Variants in TBC1D1 observed in about 807,000 individuals in gnomAD.
TBC1D1 encodes TBC1 domain family member 1.
TBC1D1 carries 89 observed loss-of-function variants against 125.6 expected under a neutral mutation model. The observed-to-expected ratio is 0.71, with a 90% CI of 0.60 to 0.85. TBC1D1 has a LOEUF of 0.85. Ranked by LOEUF, TBC1D1 falls within the 40% of genes least tolerant of loss-of-function variation. TBC1D1 has a pLI of 0.00. For missense variants in TBC1D1, 1,377 were observed against 1,469.2 expected (o/e 0.94, Z 1.03); for synonymous variants, 565 against 564.1 (o/e 1.00, Z -0.02).
In TBC1D1 at chr4:38,049,776, CCT is replaced by C; in HGVS notation, c.1789_1790del (p.Leu597GlufsTer38). The C allele has an allele frequency of 6.2e-7, 1 of 1,614,160 alleles. No homozygotes were observed. On this transcript the variant is annotated frameshift_variant, in exon 11 of 20. Coordinates refer to ENST00000261439, the MANE Select transcript of TBC1D1 (RefSeq NM_015173.4). LOFTEE classifies it high-confidence loss of function. ...AGGCCTTCAGGAGGCGAGCAAACAC[CCT>C]GAGTCACTTCCCCATCGAATGCCAG... is the stretch of plus-strand genomic sequence containing the variant.
chr4:38,082,788 C>G (rs910358089), intron 12 of TBC1D1, among the ~76,000 whole-genome samples: 1 of 152,214 alleles, frequency 6.6e-6, no homozygotes, highest in Admixed American at 6.5e-5. Context: ...CCCTGGACTT[C>G]CCACTGCCGT....
chr4:37,908,973 G>T (rs538191665), intron 2 of TBC1D1, among the ~76,000 whole-genome samples: 22 of 152,270 alleles, frequency 1.4e-4, no homozygotes, highest in South Asian at 1.0e-3. Context: ...ATGATTCTTG[G>T]CAATGAAGCT....
At chr4:38,059,704 A>G (rs1327252548) in intron 12 of TBC1D1, among the ~76,000 whole-genome samples, 1 of 152,120 alleles carries the variant, frequency 6.6e-6, no homozygotes, top group Non-Finnish European at 1.5e-5. Context: ...TGTGTTTAAG[A>G]TTTGGATTTA....
intron 2 of TBC1D1, among the ~76,000 whole-genome samples, chr4:37,966,705 C>G (rs1731144407): frequency 6.6e-6 from 1 of 152,096 alleles, no homozygotes; most frequent in Admixed American, 6.6e-5. Context: ...ATAGGGTTTG[C>G]TGCACCCATC....
At chr4:38,122,876 A>AT (rs1276175381) in intron 17 of TBC1D1, among the ~76,000 whole-genome samples, 1 of 152,232 alleles carries the variant, frequency 6.6e-6, no homozygotes, top group Admixed American at 6.5e-5. Context: ...ATTTTTTAAC[A>AT]TATCAATAAA....
intron 2 of TBC1D1, among the ~76,000 whole-genome samples, chr4:37,946,303 T>C (rs1726685737): frequency 6.6e-6 from 1 of 152,210 alleles, no homozygotes; most frequent in Non-Finnish European, 1.5e-5. Context: ...ATTTATTGTA[T>C]ATTTTCAGAA....
At position 38,054,209 on chromosome 4, in the gene TBC1D1, T is replaced by G. The variant is rs200893802; in HGVS notation, c.1921T>G (p.Ser641Ala). The change falls in exon 12 of 20, where the codon TCC becomes GCC. Residue 641 changes from serine to alanine, a missense_variant. Ser to Ala is a moderately conservative substitution (Grantham distance 99). This residue lies in a region of TBC1D1 where 822 missense variants were observed against 824.6 expected (regional missense o/e 1.00). Transcript: ENST00000261439. ...ATCTTATAATTTTAGGGACTTTGAA[T>G]CCAAAGCAAACCATCTTGGTGATTC... is the stretch of plus-strand genomic sequence containing the variant. 4.5e-5 allele frequency: 72 copies of G among 1,614,058 alleles called. 1 individual carries two copies. Among genetic ancestry groups the G allele is most frequent in the Non-Finnish European group, 3.4e-6 (4 of 1,179,988 alleles).
intron 2 of TBC1D1, among the ~76,000 whole-genome samples, chr4:38,007,496 A>AC (rs1336337489): frequency 1.3e-5 from 2 of 151,906 alleles, no homozygotes; most frequent in Non-Finnish European, 2.9e-5. Flanking sequence ...CAAATGATCC[A>AC]CCCACCTCAG....
rs965050635 is a variant in TBC1D1 at position 38,137,238 on chromosome 4, C to T, written c.3410C>T (p.Ser1137Leu). 7 of 1,612,240 alleles carry T rather than the reference C, an allele frequency of 4.3e-6. No individual in the cohort carries two copies. The highest frequency in any genetic ancestry group is 4.0e-5 in the African/African-American group (3 of 74,868). Reference sequence around the variant, plus strand: ...ATGCTTACCTTAGAACTGGAGCGGTCGGCCCTGCTGCAGACGGTGGAGGAG... The same window carrying T: ...ATGCTTACCTTAGAACTGGAGCGGTTGGCCCTGCTGCAGACGGTGGAGGAG... Residue 1137 changes from serine to leucine, a missense_variant, in exon 20 of 20, where the codon TCG becomes TTG. Ser to Leu is a moderately radical substitution (Grantham distance 145, BLOSUM62 -2). Around this residue, in one of 3 missense-constraint regions of TBC1D1, gnomAD observed 543 missense variants for 613.5 expected, o/e 0.89. Coordinates refer to ENST00000261439, the MANE Select transcript of TBC1D1 (RefSeq NM_015173.4).
At chr4:37,973,664 C>T (rs1277558437) in intron 2 of TBC1D1, among the ~76,000 whole-genome samples, 1 of 152,218 alleles carries the variant, frequency 6.6e-6, no homozygotes, top group Non-Finnish European at 1.5e-5. Context: ...TGACCATCCA[C>T]TCACATCAAA....
At chr4:37,996,067 C>A in intron 2 of TBC1D1, 1 of 514,562 alleles carries the variant, frequency 1.9e-6, no homozygotes. Flanking sequence ...AATCCTTTTG[C>A]AAGGCCTATG....
intron 8 of TBC1D1, 77 bp from the exon 9 acceptor site, chr4:38,044,285 G>A (rs1748983520): frequency 6.8e-7 from 1 of 1,474,558 alleles, no homozygotes. Flanking sequence ...CCAAAAAGAT[G>A]TGTCCTAGAG....
chr4:38,123,735 C>T (rs1764214254), intron 17 of TBC1D1, among the ~76,000 whole-genome samples: 2 of 152,210 alleles, frequency 1.3e-5, no homozygotes, highest in South Asian at 4.1e-4. Context: ...TGGCTTAGGG[C>T]TGCACCCATC....
chr4:37,922,769 C>G (rs1416098347), intron 2 of TBC1D1, among the ~76,000 whole-genome samples: 1 of 152,150 alleles, frequency 6.6e-6, no homozygotes, highest in African/African-American at 2.4e-5. Flanking sequence ...TGGCCCATGG[C>G]TAATTAGCCT....
chr4:37,959,009 A>C (rs1352636384), intron 2 of TBC1D1, among the ~76,000 whole-genome samples: 1 of 152,182 alleles, frequency 6.6e-6, no homozygotes, highest in East Asian at 1.9e-4. Flanking sequence ...TACATCAATC[A>C]GTTGATATAC....
intron 2 of TBC1D1, among the ~76,000 whole-genome samples, chr4:37,961,954 T>C (rs990723072): frequency 2.6e-5 from 4 of 152,232 alleles, no homozygotes; most frequent in African/African-American, 9.6e-5. Context: ...CATTTTGATT[T>C]TTGCTTCCAT....
At chr4:38,122,658 G>A (rs1367148547) in intron 17 of TBC1D1, among the ~76,000 whole-genome samples, 1 of 152,122 alleles carries the variant, frequency 6.6e-6, no homozygotes. Flanking sequence ...TTTGTGTTTT[G>A]CTCATGGCTT....
chr4:37,965,875 C>T (rs774464897), intron 2 of TBC1D1, among the ~76,000 whole-genome samples: 16 of 151,988 alleles, frequency 1.1e-4, no homozygotes, highest in East Asian at 1.9e-4. Context: ...CTCAGCCTCC[C>T]GAGTAGCTGG....
At chr4:38,036,371 C>T (rs1211189209) in intron 8 of TBC1D1, among the ~76,000 whole-genome samples, 1 of 152,158 alleles carries the variant, frequency 6.6e-6, no homozygotes. Flanking sequence ...TTTTGGACTC[C>T]ATGTGAGTCC....
Sources: gnomAD v4.1 joint callset for allele counts (sites outside exome capture counted in the v4.1 genomes callset) on GRCh38, gnomAD v4.1.1 for gene constraint, gnomAD v4.1.1 regional missense constraint, MANE v1.5 for transcripts, NCBI Gene and HGNC (gene_info 2026-07-23, HGNC 2026-07-21) for gene names.